The following PCDHGA4 variants were observed in gnomAD, a reference collection of about 807,000 sequenced individuals.
PCDHGA4 encodes protocadherin gamma subfamily A, 4, also known as protocadherin gamma-A4.
In PCDHGA4, 38 loss-of-function variants were observed where a neutral mutation model predicts 54.6. The observed-to-expected ratio is 0.70, with a 90% CI of 0.54 to 0.91. The LOEUF is 0.91. Ranked by LOEUF, PCDHGA4 falls within the 40% of genes least tolerant of loss-of-function variation. The pLI, the probability that PCDHGA4 is intolerant of heterozygous loss-of-function variation, is 0.00. For synonymous variants in PCDHGA4, 511 were observed against 512.9 expected (o/e 1.00, Z 0.05); for missense variants, 1,298 against 1,220.9 (o/e 1.06, Z -0.94).
intron 1 of PCDHGA4, among the ~76,000 whole-genome samples, chr5:141,472,611 G>T (rs1055885253): frequency 1.3e-5 from 2 of 151,938 alleles, no homozygotes; most frequent in South Asian, 4.1e-4. Context: ...ATAAAACAAA[G>T]AAGAAAAAAG....
At chr5:141,445,188 GTATTCTA>G (rs1223900471) in intron 1 of PCDHGA4, among the ~76,000 whole-genome samples, 1 of 152,080 alleles carries the variant, frequency 6.6e-6, no homozygotes, top group Non-Finnish European at 1.5e-5. Context: ...ATGTTTTTAT[GTATTCTA>G]TATGCTTTTG....
At chr5:141,445,900 T>C (rs2098480876) in intron 1 of PCDHGA4, among the ~76,000 whole-genome samples, 1 of 152,224 alleles carries the variant, frequency 6.6e-6, no homozygotes, top group African/African-American at 2.4e-5. Flanking sequence ...TATTAAAATA[T>C]TTTAAACAAG....
intron 1 of PCDHGA4, chr5:141,415,055 C>T (rs767474996): frequency 6.2e-7 from 1 of 1,613,400 alleles, no homozygotes; most frequent in African/African-American, 1.3e-5. Flanking sequence ...GGGGAGCACA[C>T]GGGCGAGGTG....
chr5:141,394,353 C>G (rs759128487), intron 1 of PCDHGA4: 11 of 1,614,178 alleles, frequency 6.8e-6, no homozygotes, highest in East Asian at 4.5e-5. Flanking sequence ...CACCGGTGTC[C>G]TGTATGCGCT....
At chr5:141,394,657 G>A (rs1179529074) in intron 1 of PCDHGA4, 2 of 1,613,220 alleles carry the variant, frequency 1.2e-6, no homozygotes, top group East Asian at 2.2e-5. Flanking sequence ...AGCGAGCCGG[G>A]ACTCTTCTCG....
chr5:141,374,304 T>C lies in PCDHGA4; in HGVS notation c.2514+16683T>C, dbSNP rs748378038. On this transcript the variant is annotated intron_variant, in intron 1 of 3. Coordinates refer to ENST00000571252, the MANE Select transcript of PCDHGA4 (RefSeq NM_018917.4). ...ATCGTCTCCAGAGGTAGGATGCAGC[T>C]TTTCTCTCTGAATCCGCGAAACGGC... 3.7e-6 allele frequency: 6 copies of C among 1,613,950 alleles called. No homozygotes were observed. The highest frequency in any genetic ancestry group is 1.7e-4 in the Middle Eastern group (1 of 6,058).
chr5:141,429,389 A>T (rs6890456), intron 1 of PCDHGA4, among the ~76,000 whole-genome samples: 7,460 of 147,570 alleles, frequency 0.051, 197 homozygotes, highest in South Asian at 0.075. Flanking sequence ...TTTTTTTTTA[A>T]AAAAAATTGA....
At chr5:141,462,990 A>G (rs181384059) in intron 1 of PCDHGA4, among the ~76,000 whole-genome samples, 1 of 152,126 alleles carries the variant, frequency 6.6e-6, no homozygotes, top group Non-Finnish European at 1.5e-5. Flanking sequence ...GCCTTGGGCT[A>G]ATTTAGACCT....
rs771341809 is a variant in PCDHGA4 at position 141,404,607 on chromosome 5, T to C, written c.2514+46986T>C. 5 of 1,613,938 alleles carry C rather than the reference T, an allele frequency of 3.1e-6. No homozygotes were observed. The African/African-American group carries it at 6.7e-5, about 22-fold the overall frequency. ...AGCAATGTGTCATTGAGACTGTTTG[T>C]TTTGGACCAGAATGACAATGCCCCA... On this transcript the variant is annotated intron_variant, in intron 1 of 3. Coordinates refer to ENST00000571252, the MANE Select transcript of PCDHGA4 (RefSeq NM_018917.4).
At chr5:141,501,298 C>CAG (rs2099807427) in intron 2 of PCDHGA4, among the ~76,000 whole-genome samples, 1 of 148,330 alleles carries the variant, frequency 6.7e-6, no homozygotes, top group Non-Finnish European at 1.5e-5. Context: ...TATACACACA[C>CAG]ACACACACAC....
intron 2 of PCDHGA4, among the ~76,000 whole-genome samples, chr5:141,503,292 A>T (rs7710319): frequency 0.52 from 78,681 of 151,966 alleles, 21,044 homozygotes; most frequent in African/African-American, 0.62. Flanking sequence ...TGGTACATAG[A>T]AATTGCTCAA....
chr5:141,435,686 T>C (rs2097774326), intron 1 of PCDHGA4, among the ~76,000 whole-genome samples: 1 of 152,340 alleles, frequency 6.6e-6, no homozygotes, highest in Non-Finnish European at 1.5e-5. Flanking sequence ...GAGAACTTTA[T>C]GCTTATTGTA....
At chr5:141,406,277 C>T (rs1462690693) in intron 1 of PCDHGA4, among the ~76,000 whole-genome samples, 1 of 151,986 alleles carries the variant, frequency 6.6e-6, no homozygotes, top group Non-Finnish European at 1.5e-5. Flanking sequence ...GCTTCAGTTT[C>T]CCAAAGCACT....
intron 1 of PCDHGA4, among the ~76,000 whole-genome samples, chr5:141,448,669 G>T: frequency 6.6e-6 from 1 of 152,136 alleles, no homozygotes; most frequent in East Asian, 1.9e-4. Flanking sequence ...GGCCGGGCGC[G>T]GTGGCTCACG....
intron 1 of PCDHGA4, chr5:141,376,412 G>C: frequency 6.2e-7 from 1 of 1,614,166 alleles, no homozygotes; most frequent in East Asian, 2.2e-5. Flanking sequence ...CAACTATGCC[G>C]ACACGCTTAT....
Position 141,490,835 on chromosome 5 carries a change from T to C in PCDHGA4, c.2515-3972T>C, listed in dbSNP as rs1284804400. 4 of 1,613,728 alleles carry C rather than the reference T, an allele frequency of 2.5e-6. No individual in the cohort carries two copies. The highest frequency in any genetic ancestry group is 1.1e-5 in the South Asian group (1 of 91,076). On this transcript the variant is annotated intron_variant, in intron 1 of 3. Transcript: ENST00000571252. This position sits in a 1 kb window ranked among gnomAD's most constrained non-coding sequence, Gnocchi z 5.4. ...TATGAATTGCTGCAGATGCTGCAGATTGTGGTGGGGGTTCGAGACTCCGGC... is the reference window on the plus strand; with the variant it reads ...TATGAATTGCTGCAGATGCTGCAGACTGTGGTGGGGGTTCGAGACTCCGGC...
At position 141,491,971 on chromosome 5, in the gene PCDHGA4, T is replaced by C. The variant is rs62379205; in HGVS notation, c.2515-2836T>C. ...CCTACACTCAAAAAAGGCCGGGGCC[T>C]CCTTCGAGCTTCCGGTGAATTTCGG... is the stretch of plus-strand genomic sequence containing the variant. On this transcript the variant is annotated intron_variant, in intron 1 of 3. Coordinates refer to ENST00000571252, the MANE Select transcript of PCDHGA4 (RefSeq NM_018917.4). This position sits in a 1 kb window ranked among gnomAD's most constrained non-coding sequence, Gnocchi z 6.9. The C allele has an allele frequency of 0.2, 165,735 of 830,872 alleles. 17,637 individuals are homozygous for C. Among genetic ancestry groups the C allele is most frequent in the Admixed American group, 0.32 (8,466 of 26,688 alleles). 51.5% of individuals were successfully genotyped at this position (830,872 alleles called of 1,614,324 possible).
chr5:141,456,308 T>C (rs2098849199), intron 1 of PCDHGA4, among the ~76,000 whole-genome samples: 1 of 152,156 alleles, frequency 6.6e-6, no homozygotes, highest in Non-Finnish European at 1.5e-5. Context: ...GAACAGCAGC[T>C]AGGGCTCCTC....
Position 141,376,615 on chromosome 5 carries a change from T to C in PCDHGA4, c.2514+18994T>C, listed in dbSNP as rs917883333. ...GGCTGTTATAGAAGCGAACCTCTTT[T>C]GGTACAGGAAGATTCGTGATTTTGT... On this transcript the variant is annotated intron_variant, in intron 1 of 3. Transcript: ENST00000571252. 24 of 1,439,268 alleles carry C rather than the reference T, an allele frequency of 1.7e-5. 1 individual carries two copies. In the Admixed American group the frequency reaches 2.3e-4, roughly 14 times the overall value. The allele number at this position is 1,439,268 out of a possible 1,614,324, so 89.2% of individuals were successfully genotyped here.
Sources: allele counts gnomAD v4.1 joint callset (sites outside exome capture counted in the v4.1 genomes callset), GRCh38; gene constraint gnomAD v4.1.1; non-coding constraint Gnocchi (gnomAD v3.1); transcripts MANE v1.5; gene names NCBI Gene and HGNC (gene_info 2026-07-23, HGNC 2026-07-21).